Variants in RBFOX1 observed in about 807,000 individuals in gnomAD.
RBFOX1 encodes the protein RNA binding fox-1 homolog 1.
In RBFOX1, 8 loss-of-function variants were observed where a neutral mutation model predicts 57.7. The observed-to-expected ratio is 0.14, with a 90% CI of 0.08 to 0.25. RBFOX1 has a LOEUF of 0.25. RBFOX1 is among the 10% of genes least tolerant of loss of function. RBFOX1 has a pLI of 1.00. For synonymous variants in RBFOX1, 326 were observed against 222.4 expected (o/e 1.47, Z -4.15); for missense variants, 611 against 548.5 (o/e 1.11, Z -1.14).
intron 3 of RBFOX1, among the ~76,000 whole-genome samples, chr16:5,611,788 ATCC>A (rs2047816658): frequency 1.8e-5 from 2 of 111,942 alleles, no homozygotes; most frequent in Non-Finnish European, 3.8e-5. Context: ...CCATCCATCC[ATCC>A]ATCCACCCAC....
intron 1 of RBFOX1, among the ~76,000 whole-genome samples, chr16:5,376,562 A>G (rs924035535): frequency 2.0e-4 from 31 of 152,246 alleles, no homozygotes; most frequent in African/African-American, 7.5e-4. Context: ...TGATGAAGGA[A>G]GGGGTGGTGC....
At chr16:5,687,294 A>T (rs1451684915) in intron 3 of RBFOX1, among the ~76,000 whole-genome samples, 1 of 152,156 alleles carries the variant, frequency 6.6e-6, no homozygotes, top group Admixed American at 6.5e-5. Context: ...GTCCTGGTTT[A>T]GTGCAGTAGT....
intron 2 of RBFOX1, among the ~76,000 whole-genome samples, chr16:6,594,554 T>G (rs2097758390): frequency 1.3e-5 from 2 of 152,174 alleles, no homozygotes; most frequent in South Asian, 4.1e-4. Flanking sequence ...GTCAAGAATC[T>G]AGGTTTTTAA....
At chr16:7,184,047 A>C (rs1386235301) in intron 4 of RBFOX1, among the ~76,000 whole-genome samples, 2 of 152,220 alleles carry the variant, frequency 1.3e-5, no homozygotes, top group Non-Finnish European at 2.9e-5. Context: ...CCTAAAGCCC[A>C]GGAAAGTGGT....
At chr16:6,658,062 A>G (rs560790148) in intron 3 of RBFOX1, among the ~76,000 whole-genome samples, 9 of 152,260 alleles carry the variant, frequency 5.9e-5, no homozygotes, top group East Asian at 1.9e-4. Context: ...ATTTTAGAAA[A>G]GACAAAACCT....
chr16:5,581,051 A>G (rs776700783), intron 2 of RBFOX1, among the ~76,000 whole-genome samples: 31 of 152,200 alleles, frequency 2.0e-4, no homozygotes, highest in Non-Finnish European at 4.1e-4. Context: ...AATGAACCGG[A>G]AAGCGTTGTC....
chr16:6,569,566 G>A (rs75007293), intron 2 of RBFOX1, among the ~76,000 whole-genome samples: 1 of 152,216 alleles, frequency 6.6e-6, no homozygotes, highest in African/African-American at 2.4e-5. Flanking sequence ...GGCAAGCTAT[G>A]AGCTGTAATT....
At chr16:7,561,915 T>C (rs1477522520) in intron 5 of RBFOX1, among the ~76,000 whole-genome samples, 1 of 152,204 alleles carries the variant, frequency 6.6e-6, no homozygotes, top group Non-Finnish European at 1.5e-5. Flanking sequence ...ATTTAGGATT[T>C]AGTACCAAAT....
chr16:7,044,293 C>G (rs527540899), intron 3 of RBFOX1, among the ~76,000 whole-genome samples: 1 of 152,140 alleles, frequency 6.6e-6, no homozygotes, highest in Admixed American at 6.5e-5. Flanking sequence ...ACCTAAGGCT[C>G]AGTTCTAGTT....
At chr16:6,233,177 G>A (rs1213174624) in intron 1 of RBFOX1, among the ~76,000 whole-genome samples, 1 of 152,176 alleles carries the variant, frequency 6.6e-6, no homozygotes, top group African/African-American at 2.4e-5. Context: ...TTGTGATTGG[G>A]TTTGGAATTT....
At chr16:7,167,279 C>A (rs181365418) in intron 4 of RBFOX1, among the ~76,000 whole-genome samples, 6 of 151,976 alleles carry the variant, frequency 3.9e-5, no homozygotes, top group African/African-American at 2.4e-5. Flanking sequence ...AGCCACCACA[C>A]CTGGCTGAAA....
chr16:5,750,039 G>A (rs1167882752), intron 3 of RBFOX1, among the ~76,000 whole-genome samples: 1 of 152,154 alleles, frequency 6.6e-6, no homozygotes, highest in Non-Finnish European at 1.5e-5. Flanking sequence ...TACAGATGCG[G>A]TTTTGGTGTG....
At chr16:7,601,483 A>G (rs530501692) in intron 9 of RBFOX1, among the ~76,000 whole-genome samples, 1 of 152,310 alleles carries the variant, frequency 6.6e-6, no homozygotes, top group African/African-American at 2.4e-5. Flanking sequence ...ATACTAGTTT[A>G]AGGATCAATT....
intron 3 of RBFOX1, among the ~76,000 whole-genome samples, chr16:6,858,681 T>C (rs1340667486): frequency 6.6e-6 from 1 of 152,136 alleles, no homozygotes; most frequent in Non-Finnish European, 1.5e-5. Flanking sequence ...GAAACAATAA[T>C]TTTATGGAAT....
chr16:7,005,867 C>A (rs946042342), intron 3 of RBFOX1, among the ~76,000 whole-genome samples: 5 of 152,174 alleles, frequency 3.3e-5, no homozygotes. Flanking sequence ...CTAAATTCTT[C>A]CCTTCTTCTG....
chr16:7,386,436 A>T (rs56171635), intron 4 of RBFOX1, among the ~76,000 whole-genome samples: 10 of 135,082 alleles, frequency 7.4e-5, no homozygotes, highest in African/African-American at 2.8e-4. Context: ...GTGTCCATGT[A>T]TTCTCATTGT....
intron 4 of RBFOX1, among the ~76,000 whole-genome samples, chr16:5,930,617 G>C (rs949601212): frequency 8.2e-6 from 1 of 122,080 alleles, no homozygotes; most frequent in Non-Finnish European, 1.7e-5. Context: ...TGGCAGGGTG[G>C]ATGGATGCAT....
chr16:5,984,938 C>T (rs1283055110), intron 4 of RBFOX1, among the ~76,000 whole-genome samples: 1 of 131,374 alleles, frequency 7.6e-6, no homozygotes, highest in Non-Finnish European at 1.6e-5. Context: ...CTGTATAGGG[C>T]AACTCCATTA....
Position 6,845,721 on chromosome 16 carries a change from C to T in RBFOX1, c.-16+191071C>T, listed in dbSNP as rs534766301. ...CCAGGCCTTGCTTCTCTGACACAGA[C>T]CCATGTACCTCCTTCCTGACCCCCA... On this transcript the variant is annotated intron_variant, in intron 3 of 15. Coordinates refer to ENST00000550418, the MANE Select transcript of RBFOX1 (RefSeq NM_018723.4). 2.0e-5 allele frequency among the ~76,000 whole-genome samples: 3 copies of T among 152,274 alleles called. No homozygotes were observed. The East Asian group carries it at 5.8e-4, about 29-fold the overall frequency.
Sources: gnomAD v4.1 joint callset for allele counts (sites outside exome capture counted in the v4.1 genomes callset) on GRCh38, gnomAD v4.1.1 for gene constraint, MANE v1.5 for transcripts, NCBI Gene and HGNC (gene_info 2026-07-23, HGNC 2026-07-21) for gene names.